SIPA1L1: variants seen among roughly 807,000 people sequenced by gnomAD.
SIPA1L1 encodes the protein signal-induced proliferation-associated 1-like protein 1.
Under a neutral mutation model 162.7 loss-of-function variants are expected in SIPA1L1, and 26 were observed. That is an observed-to-expected ratio of 0.16 (90% CI 0.12 to 0.22). The LOEUF (loss-of-function observed/expected upper bound fraction) is 0.22, where lower values mean the gene tolerates loss of function less well. Among genes scored for constraint, SIPA1L1 ranks in the 10% least tolerant of loss-of-function variants. The pLI, the probability that SIPA1L1 is intolerant of heterozygous loss-of-function variation, is 1.00. For synonymous variants in SIPA1L1, 829 were observed against 837.4 expected (o/e 0.99, Z 0.17); for missense variants, 1,874 against 2,241.0 (o/e 0.84, Z 3.31).
chr14:71,647,663 G>A (rs890274063), intron 7 of SIPA1L1, among the ~76,000 whole-genome samples: 12 of 152,116 alleles, frequency 7.9e-5, no homozygotes, highest in African/African-American at 2.9e-4. Flanking sequence ...GTCAGGTAAT[G>A]TTCAGCCCTG....
chr14:71,598,223 T>A, intron 5 of SIPA1L1: 1 of 985,394 alleles, frequency 1.0e-6, no homozygotes, highest in African/African-American at 1.7e-5. Flanking sequence ...TCACAGAGAC[T>A]GATTTTTACT....
At chr14:71,545,411 T>A (rs1338657706) in intron 4 of SIPA1L1, among the ~76,000 whole-genome samples, 1 of 152,206 alleles carries the variant, frequency 6.6e-6, no homozygotes, top group Non-Finnish European at 1.5e-5. Context: ...CATCTTTCAT[T>A]AGATATAGAT....
intron 5 of SIPA1L1, among the ~76,000 whole-genome samples, chr14:71,618,177 T>C (rs1377909537): frequency 6.6e-6 from 1 of 152,226 alleles, no homozygotes. Flanking sequence ...TACCGTGCTA[T>C]GGCCCAGAGC....
intron 2 of SIPA1L1, among the ~76,000 whole-genome samples, chr14:71,357,673 A>G (rs2037403706): frequency 6.6e-6 from 1 of 151,868 alleles, no homozygotes; most frequent in East Asian, 1.9e-4. Flanking sequence ...GCGATTCTCT[A>G]GCCTCAGCCT....
At chr14:71,551,320 A>C (rs1428888538) in intron 4 of SIPA1L1, among the ~76,000 whole-genome samples, 2 of 152,134 alleles carry the variant, frequency 1.3e-5, no homozygotes, top group Non-Finnish European at 2.9e-5. Flanking sequence ...CTCACATTCT[A>C]GGAAACCTCT....
chr14:71,733,625 A>G (rs1203370016), intron 20 of SIPA1L1, 41 bp from the exon 21 acceptor site: 1 of 1,600,666 alleles, frequency 6.2e-7, no homozygotes, highest in East Asian at 2.2e-5. Flanking sequence ...TGGCTCTTCC[A>G]CAGGCACAAG....
chr14:71,460,406 G>C (rs915856814), intron 2 of SIPA1L1, among the ~76,000 whole-genome samples: 3 of 152,142 alleles, frequency 2.0e-5, no homozygotes, highest in African/African-American at 7.2e-5. Context: ...GTAATACTGA[G>C]AGACGCCCTA....
intron 2 of SIPA1L1, among the ~76,000 whole-genome samples, chr14:71,467,589 ATG>A (rs1229062097): frequency 6.6e-6 from 1 of 152,334 alleles, no homozygotes; most frequent in Non-Finnish European, 1.5e-5. Flanking sequence ...TCAAAAAAGT[ATG>A]TGATTGGTGC....
chr14:71,543,871 ATG>A (rs759983460), intron 4 of SIPA1L1, among the ~76,000 whole-genome samples: 2 of 141,844 alleles, frequency 1.4e-5, no homozygotes, highest in African/African-American at 2.7e-5. Flanking sequence ...TATCATACGT[ATG>A]TGTATATATA....
chr14:71,569,478 AGGATGCT>A (rs2031497588), intron 4 of SIPA1L1, among the ~76,000 whole-genome samples: 1 of 152,246 alleles, frequency 6.6e-6, no homozygotes, highest in Non-Finnish European at 1.5e-5. Flanking sequence ...ATTTGTTCCC[AGGATGCT>A]GGCAGTCAGA....
intron 4 of SIPA1L1, among the ~76,000 whole-genome samples, chr14:71,531,866 G>T (rs542494261): frequency 6.6e-6 from 1 of 152,132 alleles, no homozygotes; most frequent in South Asian, 2.1e-4. Flanking sequence ...CTTACTATTG[G>T]GGGAGTCCTG....
intron 2 of SIPA1L1, among the ~76,000 whole-genome samples, chr14:71,392,562 C>G (rs568797739): frequency 6.6e-4 from 100 of 152,292 alleles, no homozygotes; most frequent in African/African-American, 2.3e-3. Context: ...GAGTCTCGCT[C>G]TGTCGCCCAG....
At chr14:71,345,732 TA>T (rs2036095022) in intron 2 of SIPA1L1, among the ~76,000 whole-genome samples, 1 of 151,650 alleles carries the variant, frequency 6.6e-6, no homozygotes. Flanking sequence ...CACTCCCGGC[TA>T]ATTTTTTTGT....
At chr14:71,572,626 G>C (rs2032291930) in intron 4 of SIPA1L1, among the ~76,000 whole-genome samples, 1 of 152,182 alleles carries the variant, frequency 6.6e-6, no homozygotes, top group Non-Finnish European at 1.5e-5. Flanking sequence ...CAGCTAGATT[G>C]GGGCATGAGA....
chr14:71,501,122 C>G (rs767480341), intron 2 of SIPA1L1, among the ~76,000 whole-genome samples: 25 of 152,226 alleles, frequency 1.6e-4, no homozygotes, highest in Non-Finnish European at 2.4e-4. Context: ...GGAGTTTGAA[C>G]CAGCCTGGGG....
chr14:71,448,413 A>T (rs568455889), intron 2 of SIPA1L1, among the ~76,000 whole-genome samples: 1 of 152,330 alleles, frequency 6.6e-6, no homozygotes, highest in South Asian at 2.1e-4. Flanking sequence ...ACTGAGGCCC[A>T]GAGAGGTTAA....
At chr14:71,430,515 AG>A (rs2043907223) in intron 2 of SIPA1L1, among the ~76,000 whole-genome samples, 1 of 152,298 alleles carries the variant, frequency 6.6e-6, no homozygotes, top group South Asian at 2.1e-4. Flanking sequence ...CTAATAAGCC[AG>A]GAGCCCAGCA....
At chr14:71,599,147 CTTTTTTTTTTT>C (rs35037397) in intron 5 of SIPA1L1, among the ~76,000 whole-genome samples, 1 of 106,200 alleles carries the variant, frequency 9.4e-6, no homozygotes, top group Non-Finnish European at 1.8e-5. Flanking sequence ...TGATTTCATT[CTTTTTTTTTTT>C]TTTTTTTTTG....
intron 2 of SIPA1L1, among the ~76,000 whole-genome samples, chr14:71,336,698 A>G (rs1382437058): frequency 2.0e-5 from 3 of 152,200 alleles, no homozygotes; most frequent in Non-Finnish European, 4.4e-5. Context: ...ATAAAATAAA[A>G]CCACCCTAGT....
Sources: allele counts gnomAD v4.1 joint callset (sites outside exome capture counted in the v4.1 genomes callset), GRCh38; gene constraint gnomAD v4.1.1; transcripts MANE v1.5; gene names NCBI Gene and HGNC (gene_info 2026-07-23, HGNC 2026-07-21).